Variants in EPB41L5 observed in about 807,000 individuals in gnomAD.
EPB41L5 encodes the protein erythrocyte membrane protein band 4.1 like 5, also known as band 4.1-like protein 5.
In EPB41L5, 55 loss-of-function variants were observed where a neutral mutation model predicts 106.6. That is an observed-to-expected ratio of 0.52 (90% CI 0.42 to 0.65). The LOEUF is 0.65. Among genes scored for constraint, EPB41L5 ranks in the 30% least tolerant of loss-of-function variants. The pLI, the probability that EPB41L5 is intolerant of heterozygous loss-of-function variation, is 0.00. For synonymous variants in EPB41L5, 297 were observed against 306.7 expected, an observed-to-expected ratio of 0.97 and a Z score of 0.33; for missense variants, 871 against 882.1, an observed-to-expected ratio of 0.99 and a Z score of 0.16.
At chr2:120,165,849 C>T (rs947982550) in intron 22 of EPB41L5, among the ~76,000 whole-genome samples, 2 of 151,602 alleles carry the variant, frequency 1.3e-5, no homozygotes, top group Admixed American at 6.6e-5. Context: ...ACACCTGTAG[C>T]GCCAGCTACT....
At chr2:120,014,559 AAG>A (rs1677381739) in intron 1 of EPB41L5, among the ~76,000 whole-genome samples, 1 of 152,322 alleles carries the variant, frequency 6.6e-6, no homozygotes, top group Non-Finnish European at 1.5e-5. Flanking sequence ...AGAGTACTGA[AAG>A]AGATGTCGAA....
At chr2:120,070,164 A>G (rs1023482732) in intron 3 of EPB41L5, among the ~76,000 whole-genome samples, 3 of 152,250 alleles carry the variant, frequency 2.0e-5, no homozygotes, top group Admixed American at 2.0e-4. Context: ...CACTGATCCC[A>G]CAGAAATACA....
chr2:120,135,222 G>T (rs1685872491), intron 18 of EPB41L5, among the ~76,000 whole-genome samples: 1 of 152,038 alleles, frequency 6.6e-6, no homozygotes, highest in Non-Finnish European at 1.5e-5. Flanking sequence ...GAAAGAATTA[G>T]TGAGCTTGAA....
At chr2:120,078,297 A>G (rs973661882) in intron 9 of EPB41L5, among the ~76,000 whole-genome samples, 196 bp from the exon 10 acceptor site, 2 of 152,236 alleles carry the variant, frequency 1.3e-5, no homozygotes, top group African/African-American at 4.8e-5. Flanking sequence ...TTCAATGACT[A>G]GAAATAAAAA....
chr2:120,168,417 A>T (rs1239769962), intron 24 of EPB41L5, among the ~76,000 whole-genome samples: 2 of 152,226 alleles, frequency 1.3e-5, no homozygotes, highest in African/African-American at 4.8e-5. Context: ...GAGAGCCCTG[A>T]GATGCCTTTA....
In EPB41L5 at chr2:120,077,253, A is replaced by C; in HGVS notation, c.651A>C (p.Glu217Asp). 1.2e-6 allele frequency: 2 copies of C among 1,611,330 alleles called. No homozygotes were observed. The highest frequency in any genetic ancestry group is 2.7e-5 in the African/African-American group (2 of 75,040). The change falls in exon 9 of 25, where the codon GAA (glutamate) becomes GAC (aspartate). Residue 217 changes from glutamate (E) to aspartate (D), a missense_variant. Physicochemically the swap from Glu to Asp is conservative, Grantham distance 45. Coordinates refer to ENST00000263713, the MANE Select transcript of EPB41L5 (RefSeq NM_020909.4). ...GAGGTCAAACACCAGCACAGGCTGA[A>C]ACCAATTATCTGAATAAAGCCAAAT... is the stretch of plus-strand genomic sequence containing the variant. ...EYRGQTPAQA[E>D]TNYLNKAKWL... is the part of the protein sequence containing the mutation.
At chr2:120,085,287 C>T (rs937977350) in intron 10 of EPB41L5, among the ~76,000 whole-genome samples, 30 of 152,134 alleles carry the variant, frequency 2.0e-4, no homozygotes, top group African/African-American at 5.3e-4. Context: ...TGGTGATGTA[C>T]GGATGGGGTT....
intron 3 of EPB41L5, among the ~76,000 whole-genome samples, chr2:120,055,442 C>T (rs1389067654): frequency 6.6e-6 from 1 of 150,778 alleles, no homozygotes; most frequent in Non-Finnish European, 1.5e-5. Flanking sequence ...GTCTTCTGAT[C>T]CATGAACATG....
chr2:120,165,990 A>C lies in EPB41L5; in HGVS notation c.1962+1080A>C, dbSNP rs988234562. Among the ~76,000 whole-genome samples the C allele has an allele frequency of 4.6e-5, 7 of 151,610 alleles. No homozygotes were observed. The East Asian group carries it at 5.8e-4, about 13-fold the overall frequency. ...CTCAAAAAAAAAAAAAAAAAAAAAA[A>C]AAAACAGAAATGACTAACTTTGTAC... is the stretch of plus-strand genomic sequence containing the variant. On this transcript the variant is annotated intron_variant, in intron 22 of 24. Coordinates refer to ENST00000263713, the MANE Select transcript of EPB41L5 (RefSeq NM_020909.4).
chr2:120,064,121 A>G (rs1371473491), intron 3 of EPB41L5, among the ~76,000 whole-genome samples: 1 of 152,210 alleles, frequency 6.6e-6, no homozygotes, highest in Admixed American at 6.5e-5. Flanking sequence ...TCTAGATCAA[A>G]TTGAAGTGTT....
intron 10 of EPB41L5, 92 bp from the exon 11 acceptor site, chr2:120,087,079 A>G (rs1335016195): frequency 5.5e-6 from 4 of 721,142 alleles, no homozygotes; most frequent in Non-Finnish European, 9.3e-6. Context: ...CAGGAGTTAG[A>G]TGGTTAAATG....
chr2:120,092,008 T>TTTTATTTATTTA (rs145583905), intron 13 of EPB41L5, among the ~76,000 whole-genome samples: 2,460 of 146,748 alleles, frequency 0.017, 65 homozygotes, highest in African/African-American at 0.059. Context: ...TTAAAAACAT[T>TTTTATTTATTTA]TTTATTTATT....
At chr2:120,070,968 G>C (rs889401754) in intron 3 of EPB41L5, among the ~76,000 whole-genome samples, 1 of 152,142 alleles carries the variant, frequency 6.6e-6, no homozygotes, top group Non-Finnish European at 1.5e-5. Context: ...ATTCAGCATA[G>C]TATTGGAAGT....
chr2:120,115,790 GTGTTA>G (rs1365288364), intron 16 of EPB41L5, among the ~76,000 whole-genome samples: 1 of 151,742 alleles, frequency 6.6e-6, no homozygotes, highest in East Asian at 1.9e-4. Flanking sequence ...ATGTTATGTT[GTGTTA>G]TGTTACGTTA....
chr2:120,056,459 C>T lies in EPB41L5; in HGVS notation c.285+14349C>T, dbSNP rs1185031404. Among the ~76,000 whole-genome samples the T allele has an allele frequency of 5.9e-5, 9 of 151,522 alleles. 1 individual carries two copies. In the South Asian group the frequency reaches 8.4e-4, roughly 14 times the overall value. ...GATGACAGGCATGCACCACTGTGCC[C>T]GGCTAGTTTTTGTATTTTTAGTAGA... is the stretch of plus-strand genomic sequence containing the variant. On this transcript the variant is annotated intron_variant, in intron 3 of 24. Transcript: ENST00000263713.
At chr2:120,163,080 C>T (rs181973324) in intron 21 of EPB41L5, among the ~76,000 whole-genome samples, 41 of 152,002 alleles carry the variant, frequency 2.7e-4, no homozygotes, top group African/African-American at 8.4e-4. Context: ...AGGGAGACCC[C>T]GTCTCTACAA....
chr2:120,095,136 T>C (rs1683657021), intron 14 of EPB41L5, among the ~76,000 whole-genome samples: 1 of 152,214 alleles, frequency 6.6e-6, no homozygotes, highest in African/African-American at 2.4e-5. Flanking sequence ...TATTGTAGTC[T>C]ACAACTATTG....
chr2:120,084,693 TCTC>T (rs1423538464), intron 10 of EPB41L5, among the ~76,000 whole-genome samples: 1 of 152,186 alleles, frequency 6.6e-6, no homozygotes, highest in Non-Finnish European at 1.5e-5. Flanking sequence ...TTGGGGAAGT[TCTC>T]CTGGATAATA....
At chr2:120,103,966 C>G in intron 16 of EPB41L5, 1 of 1,381,378 alleles carries the variant, frequency 7.2e-7, no homozygotes, top group Non-Finnish European at 9.5e-7. Flanking sequence ...GCATGCTAGT[C>G]ACATTACCTT....
Sources: gnomAD v4.1 joint callset for allele counts (sites outside exome capture counted in the v4.1 genomes callset) on GRCh38, gnomAD v4.1.1 for gene constraint, MANE v1.5 for transcripts, NCBI Gene and HGNC (gene_info 2026-07-23, HGNC 2026-07-21) for gene names.